The following RAI14 variants were observed in gnomAD, a reference collection of about 807,000 sequenced individuals.
The protein encoded by RAI14 is retinoic acid induced 14.
RAI14 carries 45 observed loss-of-function variants against 115.4 expected under a neutral mutation model. That is an observed-to-expected ratio of 0.39 (90% CI 0.31 to 0.50). The LOEUF (loss-of-function observed/expected upper bound fraction) is 0.50, where lower values mean the gene tolerates loss of function less well. Ranked by LOEUF, RAI14 falls within the 20% of genes least tolerant of loss-of-function variation. The pLI is 0.85. For missense variants in RAI14, 939 were observed against 1,131.2 expected (o/e 0.83, Z 2.44); for synonymous variants, 371 against 415.4 (o/e 0.89, Z 1.30).
At chr5:34,738,040 C>CA (rs1745078356) in intron 2 of RAI14, among the ~76,000 whole-genome samples, 1 of 152,120 alleles carries the variant, frequency 6.6e-6, no homozygotes, top group Admixed American at 6.6e-5. Context: ...AGGAACTGTG[C>CA]CATTTCTGTC....
chr5:34,815,091 A>G (rs1756048320), intron 12 of RAI14, among the ~76,000 whole-genome samples: 1 of 152,140 alleles, frequency 6.6e-6, no homozygotes, highest in Non-Finnish European at 1.5e-5. Flanking sequence ...TACTAAAAAT[A>G]CAAAAACTAG....
chr5:34,674,866 G>T (rs527261430), intron 1 of RAI14, among the ~76,000 whole-genome samples: 14 of 151,840 alleles, frequency 9.2e-5, no homozygotes, highest in African/African-American at 2.9e-4. Context: ...TGGGATTACA[G>T]GCATGAGCCA....
intron 2 of RAI14, among the ~76,000 whole-genome samples, chr5:34,732,541 C>A (rs2150025946): frequency 6.7e-6 from 1 of 150,154 alleles, no homozygotes; most frequent in East Asian, 2.0e-4. Flanking sequence ...CGGGTTCAAG[C>A]AATCCTCCTG....
At chr5:34,678,657 G>A (rs1744172628) in intron 1 of RAI14, among the ~76,000 whole-genome samples, 2 of 152,174 alleles carry the variant, frequency 1.3e-5, no homozygotes, top group Non-Finnish European at 2.9e-5. Context: ...GCTTTATTTT[G>A]TGTTGTTTAA....
chr5:34,663,845 C>T (rs1742892540), intron 1 of RAI14, among the ~76,000 whole-genome samples: 1 of 152,200 alleles, frequency 6.6e-6, no homozygotes, highest in Admixed American at 6.5e-5. Flanking sequence ...ACTTTTCCTC[C>T]TTATCCACTC....
chr5:34,722,653 CT>C (rs1742918981), intron 2 of RAI14, among the ~76,000 whole-genome samples: 1 of 152,100 alleles, frequency 6.6e-6, no homozygotes, highest in South Asian at 2.1e-4. Context: ...CGGTACCAGC[CT>C]GGCCAGCATG....
At chr5:34,672,382 T>C (rs1262969029) in intron 1 of RAI14, among the ~76,000 whole-genome samples, 1 of 152,062 alleles carries the variant, frequency 6.6e-6, no homozygotes, top group African/African-American at 2.4e-5. Flanking sequence ...TGGATATGTG[T>C]GGGGTGTGGG....
chr5:34,786,150 G>GC (rs1264823416), intron 3 of RAI14, among the ~76,000 whole-genome samples: 1 of 152,184 alleles, frequency 6.6e-6, no homozygotes, highest in African/African-American at 2.4e-5. Context: ...CCCGGGATGG[G>GC]CCCCTCATGC....
intron 2 of RAI14, 141 bp from the exon 3 acceptor site, chr5:34,757,327 G>T: frequency 1.1e-6 from 1 of 947,708 alleles, no homozygotes; most frequent in Non-Finnish European, 1.7e-6. Flanking sequence ...GAAGGGGAAG[G>T]TATTTTAAAA....
rs1272450019 is a variant in RAI14, at chr5:34,823,467, C to T, written c.1625C>T (p.Ala542Val). ...GTGCTAAAGCAGGATCTGCAGAATG[C>T]ATTAGAAGAAAGTGAAAGAAATAAA... is the stretch of plus-strand genomic sequence containing the variant. ...INVLKQDLQN[A>V]LEESERNKEK... Residue 542 changes from alanine (A) to valine (V), a missense_variant, in exon 15 of 18, where the codon GCA becomes GTA. By Grantham distance (64) the Ala-to-Val change is moderately conservative (BLOSUM62 0). Coordinates refer to ENST00000265109, the MANE Select transcript of RAI14 (RefSeq NM_015577.3). The surrounding 1 kb of genome is among the most constrained non-coding windows in gnomAD (Gnocchi z 4.5). 1.2e-6 allele frequency: 2 copies of T among 1,613,862 alleles called. No individual in the cohort carries two copies. The highest frequency in any genetic ancestry group is 8.5e-7 in the Non-Finnish European group (1 of 1,179,986).
intron 1 of RAI14, 82 bp downstream of exon 1, chr5:34,656,557 C>A (rs1218058537): frequency 6.7e-6 from 1 of 149,176 alleles, no homozygotes; most frequent in Non-Finnish European, 1.5e-5. Flanking sequence ...GGAGCTCGGG[C>A]GCGGGAGGCG....
intron 1 of RAI14, chr5:34,658,869 G>T (rs1210615725): frequency 6.6e-6 from 1 of 151,934 alleles, no homozygotes; most frequent in Non-Finnish European, 1.5e-5. Flanking sequence ...AAGCCATTTT[G>T]TCTTCTACTT....
rs114470488 is a variant in RAI14, at chr5:34,823,060, C to G, written c.1218C>G (p.Pro406=). ...TGGGAAAACCTGGTGAAACCTCTCC[C>G]CCAGACTCCAAATCATCTCCATCTG... is the stretch of plus-strand genomic sequence containing the variant. ...PSLGKPGETS[P]PDSKSSPSVL... is the part of the protein sequence containing the mutation. The change falls in exon 15 of 18, where the codon CCC becomes CCG. Residue 406 remains proline, a synonymous_variant. Coordinates refer to ENST00000265109, the MANE Select transcript of RAI14 (RefSeq NM_015577.3). This position sits in a 1 kb window ranked among gnomAD's most constrained non-coding sequence, Gnocchi z 4.5. The G allele has an allele frequency of 5.9e-4, 946 of 1,612,998 alleles. No individual in the cohort carries two copies. The highest frequency in any genetic ancestry group is 6.7e-4 in the Non-Finnish European group (791 of 1,179,032).
intron 2 of RAI14, chr5:34,687,601 T>C: frequency 1.3e-6 from 2 of 1,518,238 alleles, no homozygotes; most frequent in Admixed American, 2.2e-5. Flanking sequence ...ATAATATTTT[T>C]TTAAAAGGTC....
chr5:34,798,019 G>T (rs1043064248), intron 4 of RAI14, among the ~76,000 whole-genome samples: 8 of 152,100 alleles, frequency 5.3e-5, no homozygotes, highest in East Asian at 1.9e-4. Flanking sequence ...AAATAAGTTG[G>T]TTTTTTGTGT....
chr5:34,772,021 T>A (rs956123849), intron 3 of RAI14, among the ~76,000 whole-genome samples: 7 of 152,102 alleles, frequency 4.6e-5, no homozygotes, highest in Admixed American at 3.3e-4. Context: ...TGATCCTCCC[T>A]CCTCACCCTC....
chr5:34,744,550 C>T (rs1745930162), intron 2 of RAI14, among the ~76,000 whole-genome samples: 1 of 152,148 alleles, frequency 6.6e-6, no homozygotes, highest in African/African-American at 2.4e-5. Flanking sequence ...TTTTGGAAGT[C>T]TTCTCAATGT....
intron 5 of RAI14, 21 bp downstream of exon 5, chr5:34,803,797 A>T (rs761811502): frequency 2.5e-6 from 4 of 1,598,060 alleles, no homozygotes; most frequent in Non-Finnish European, 3.4e-6. Context: ...GACAACTTAG[A>T]ATTATAAATG....
chr5:34,765,999 G>T (rs1472950009), intron 3 of RAI14, among the ~76,000 whole-genome samples: 2 of 152,238 alleles, frequency 1.3e-5, no homozygotes, highest in Non-Finnish European at 2.9e-5. Context: ...AGCCTTGGCA[G>T]CTTCCACATG....
Sources: allele counts gnomAD v4.1 joint callset (sites outside exome capture counted in the v4.1 genomes callset), GRCh38; gene constraint gnomAD v4.1.1; non-coding constraint Gnocchi (gnomAD v3.1); transcripts MANE v1.5; gene names NCBI Gene and HGNC (gene_info 2026-07-23, HGNC 2026-07-21).